Variants in HACD4 observed in about 807,000 individuals in gnomAD.
The protein encoded by HACD4 is very-long-chain (3R)-3-hydroxyacyl-CoA dehydratase 4.
HACD4 carries 35 observed loss-of-function variants against 33.3 expected under a neutral mutation model. The ratio of observed to expected loss-of-function variants is 1.05; its 90% CI spans 0.80 to 1.39. The LOEUF (loss-of-function observed/expected upper bound fraction) is 1.39, where lower values mean the gene tolerates loss of function less well. HACD4 is among the 40% of genes most tolerant of loss of function. The probability of loss-of-function intolerance (pLI) is 0.00; values close to 1 mark genes in which losing one functional copy is unlikely to be tolerated. For synonymous variants in HACD4, 118 were observed against 98.0 expected, an observed-to-expected ratio of 1.20 and a Z score of -1.21; for missense variants, 323 against 276.5, an observed-to-expected ratio of 1.17 and a Z score of -1.19.
chr9:21,023,634 GC>G (rs1310228785), intron 3 of HACD4, among the ~76,000 whole-genome samples: 1 of 150,898 alleles, frequency 6.6e-6, no homozygotes, highest in Non-Finnish European at 1.5e-5. Flanking sequence ...GAGTGCAGTG[GC>G]CTGATCTCTG....
intron 3 of HACD4, among the ~76,000 whole-genome samples, chr9:21,023,821 C>G (rs1057164802): frequency 6.6e-6 from 1 of 152,100 alleles, no homozygotes; most frequent in Non-Finnish European, 1.5e-5. Flanking sequence ...GTGATCCGAC[C>G]GCCTCAGCCT....
At chr9:21,022,683 A>G (rs1239875805) in intron 3 of HACD4, among the ~76,000 whole-genome samples, 4 of 150,240 alleles carry the variant, frequency 2.7e-5, no homozygotes, top group African/African-American at 9.7e-5. Context: ...ATCTCACACC[A>G]GTTAGAATGG....
chr9:21,031,362 CT>C, intron 1 of HACD4, 190 bp downstream of exon 1: 1 of 667,902 alleles, frequency 1.5e-6, no homozygotes, highest in Non-Finnish European at 1.9e-6. Context: ...ACAGAGCCTG[CT>C]TCCTAGGGTG....
chr9:21,010,471 A>G (rs941025831), intron 5 of HACD4, among the ~76,000 whole-genome samples: 1 of 60,238 alleles, frequency 1.7e-5, no homozygotes, highest in African/African-American at 1.0e-4. Flanking sequence ...CCCCCCCCCC[A>G]GAGCTTACAG....
chr9:21,014,467 G>A (rs1842510260), intron 4 of HACD4, among the ~76,000 whole-genome samples: 1 of 152,140 alleles, frequency 6.6e-6, no homozygotes, highest in Admixed American at 6.5e-5. Flanking sequence ...GTCACAAGAG[G>A]CCACATATTG....
Position 21,003,736 on chromosome 9 carries a change from CAAT to C in HACD4, c.*3298_*3300del, listed in dbSNP as rs1564265656. ...CTTTACCAAAAATTGAGTGATACAT[CAAT>C]GATACAGCAATGACTATCAGTTATT... On this transcript the variant is annotated 3_prime_UTR_variant, in exon 7 of 7. Coordinates refer to ENST00000495827, the MANE Select transcript of HACD4 (RefSeq NM_001010915.5). 6.6e-6 allele frequency: 1 copy of C among 152,046 alleles called. No individual in the cohort carries two copies. The highest frequency in any genetic ancestry group is 1.9e-4 in the East Asian group (1 of 5,194). The allele number at this position is 152,046 out of a possible 1,614,324, so 9.4% of individuals were successfully genotyped here. A position where few individuals can be genotyped will look rare whatever the true frequency, so the allele number is the denominator to read the frequency against.
intron 5 of HACD4, 116 bp downstream of exon 5, chr9:21,011,473 A>G: frequency 1.4e-6 from 1 of 696,122 alleles, no homozygotes; most frequent in Non-Finnish European, 2.6e-6. Flanking sequence ...GTAAGGATAC[A>G]CTGAGTGAGC....
intron 5 of HACD4, among the ~76,000 whole-genome samples, chr9:21,009,559 C>T (rs142381594): frequency 7.2e-5 from 11 of 152,190 alleles, no homozygotes; most frequent in African/African-American, 2.6e-4. Context: ...TTTTAATTGG[C>T]AAATCATAAT....
At position 21,006,300 on chromosome 9, in the gene HACD4, T is replaced by C. The variant is rs1192197130; in HGVS notation, c.*737A>G. 6.6e-6 allele frequency: 1 copy of C among 152,002 alleles called. No homozygotes were observed. The highest frequency in any genetic ancestry group is 2.4e-5 in the African/African-American group (1 of 41,376). The allele number at this position is 152,002 out of a possible 1,614,324, so 9.4% of individuals were successfully genotyped here. On this transcript the variant is annotated 3_prime_UTR_variant, in exon 7 of 7. Transcript: ENST00000495827. This position sits in a 1 kb window ranked among gnomAD's most constrained non-coding sequence, Gnocchi z 4.6. ...TGCCATTATAAGAGACATAAGAGAG[T>C]TGATCTCTCTCTCATGTGAGGACAA...
chr9:21,023,383 A>G (rs1817977274), intron 3 of HACD4, among the ~76,000 whole-genome samples: 1 of 152,150 alleles, frequency 6.6e-6, no homozygotes, highest in East Asian at 1.9e-4. Context: ...AAATTAAAAA[A>G]TAAATGCACA....
At chr9:21,017,164 G>A (rs1334339192) in intron 3 of HACD4, among the ~76,000 whole-genome samples, 2 of 152,042 alleles carry the variant, frequency 1.3e-5, no homozygotes, top group African/African-American at 4.8e-5. Flanking sequence ...GAAAAGACTG[G>A]GATAACCTGT....
Position 21,008,131 on chromosome 9 carries a change from T to G in HACD4, c.506A>C (p.Gln169Pro). The stretch of plus-strand genomic sequence containing the variant: ...AAATGATTCAAAATAAGGCAGCGAT[T>G]GATAGATGGCAAATGCTGTTAAAAA... Reference protein sequence around the residue: ...CVLAEAFAIYQSLPYFESFGT... With the variant: ...CVLAEAFAIYPSLPYFESFGT... The change falls in exon 6 of 7, where the codon CAA (glutamine) becomes CCA (proline). Residue 169 changes from glutamine (Q) to proline (P), a missense_variant. Gln to Pro is a moderately conservative substitution (Grantham distance 76, BLOSUM62 -1). Transcript: ENST00000495827. 1.9e-6 allele frequency: 3 copies of G among 1,605,952 alleles called. No homozygotes were observed. Among genetic ancestry groups the G allele is most frequent in the Non-Finnish European group, 2.5e-6 (3 of 1,176,846 alleles).
At chr9:21,012,657 C>T (rs1206628951) in intron 4 of HACD4, among the ~76,000 whole-genome samples, 1 of 152,220 alleles carries the variant, frequency 6.6e-6, no homozygotes, top group Non-Finnish European at 1.5e-5. Flanking sequence ...GAGGACCTCA[C>T]TGAACATAGC....
chr9:21,012,280 T>C (rs561162516), intron 4 of HACD4, among the ~76,000 whole-genome samples: 2 of 152,312 alleles, frequency 1.3e-5, no homozygotes, highest in South Asian at 4.1e-4. Flanking sequence ...TGAGCATATA[T>C]CAGAATCACC....
At position 21,008,114 on chromosome 9, in the gene HACD4, C is replaced by A; in HGVS notation, c.523G>T (p.Glu175Ter). ...TTGGTGGAATAAGTGCCAAATGATT[C>A]AAAATAAGGCAGCGATTGATAGATG... The part of the protein sequence containing the change: ...FAIYQSLPYF[E>*]SFGTYSTKLP... The change falls in exon 6 of 7, where the codon GAA becomes TAA. Residue 175 changes from glutamate (E) to a stop codon, truncating the protein, a stop_gained. Transcript: ENST00000495827. LOFTEE classifies it high-confidence loss of function. 6.2e-7 allele frequency: 1 copy of A among 1,608,478 alleles called. No individual in the cohort carries two copies. The highest frequency in any genetic ancestry group is 8.5e-7 in the Non-Finnish European group (1 of 1,177,482).
chr9:21,018,101 G>A (rs866708388), intron 3 of HACD4, among the ~76,000 whole-genome samples: 60 of 152,232 alleles, frequency 3.9e-4, no homozygotes, highest in African/African-American at 1.3e-3. Flanking sequence ...AATCTAATTC[G>A]TTAACAAATC....
chr9:21,014,161 C>A (rs971205812), intron 4 of HACD4, among the ~76,000 whole-genome samples: 3 of 152,002 alleles, frequency 2.0e-5, no homozygotes, highest in African/African-American at 4.8e-5. Flanking sequence ...ATAAGTTTAC[C>A]CCCATTTTAC....
chr9:21,008,168 A>G (rs777582704), intron 5 of HACD4, 22 bp from the exon 6 acceptor site: 2 of 1,596,638 alleles, frequency 1.3e-6, no homozygotes, highest in Admixed American at 3.5e-5. Flanking sequence ...GAAAGGCATC[A>G]TAAAGGTATT....
Position 21,026,634 on chromosome 9 carries a change from C to G in HACD4, c.232G>C (p.Gly78Arg), listed in dbSNP as rs1473618165. The change falls in exon 3 of 7, where the codon GGC (glycine) becomes CGC (arginine). Residue 78 changes from glycine to arginine, a missense_variant. Physicochemically the swap from Gly to Arg is moderately radical, Grantham distance 125 (BLOSUM62 -2). Coordinates refer to ENST00000495827, the MANE Select transcript of HACD4 (RefSeq NM_001010915.5). ...GGGAGAAGATGGTTTGACTCAATGC[C>G]AACATATATGTGCAGCAGTTCCAGG... ...SLLELLHIYV[G>R]IESNHLLPRF... 4 of 1,613,328 alleles carry G rather than the reference C, an allele frequency of 2.5e-6. No individual in the cohort carries two copies. The highest frequency in any genetic ancestry group is 2.5e-6 in the Non-Finnish European group (3 of 1,179,386).
Sources: allele counts gnomAD v4.1 joint callset (sites outside exome capture counted in the v4.1 genomes callset), GRCh38; gene constraint gnomAD v4.1.1; non-coding constraint Gnocchi (gnomAD v3.1); transcripts MANE v1.5; gene names NCBI Gene and HGNC (gene_info 2026-07-23, HGNC 2026-07-21).